The following NTN1 variants were observed in gnomAD, a reference collection of about 807,000 sequenced individuals.
NTN1 encodes the protein netrin-1.
Under a neutral mutation model 54.2 loss-of-function variants are expected in NTN1, and 11 were observed. The ratio of observed to expected loss-of-function variants is 0.20; its 90% CI spans 0.13 to 0.34. NTN1 has a LOEUF of 0.34. Ranked by LOEUF, NTN1 falls within the 10% of genes least tolerant of loss-of-function variation. NTN1 has a pLI of 1.00. For synonymous variants in NTN1, 371 were observed against 382.0 expected (o/e 0.97, Z 0.33); for missense variants, 740 against 893.1 (o/e 0.83, Z 2.18).
chr17:9,058,777 T>C (rs2091987364), intron 2 of NTN1, among the ~76,000 whole-genome samples: 2 of 152,094 alleles, frequency 1.3e-5, no homozygotes, highest in Non-Finnish European at 2.9e-5. Flanking sequence ...ACCATTTATA[T>C]TTTTTGAGCC....
the NTN1 span, among the ~76,000 whole-genome samples, chr17:9,003,721 T>G: frequency 7.2e-5 from 11 of 151,902 alleles, no homozygotes; most frequent in African/African-American, 2.4e-4. The surrounding 1 kb of genome is among the most constrained non-coding windows in gnomAD (Gnocchi z 7.4). Context: ...CCTGATTCAG[T>G]GCTTAGTAAT....
chr17:9,101,128 G>T (rs2092149119), intron 2 of NTN1, among the ~76,000 whole-genome samples: 1 of 152,250 alleles, frequency 6.6e-6, no homozygotes, highest in Middle Eastern at 3.4e-3. Context: ...ATTTCATCTT[G>T]TAGTTATGTT....
chr17:9,117,791 G>A (rs9901438), intron 2 of NTN1, among the ~76,000 whole-genome samples: 2,527 of 121,732 alleles, frequency 0.021, 63 homozygotes, highest in East Asian at 0.17. Context: ...AAAAAAACAA[G>A]CTTCCATGTG....
At chr17:9,011,700 C>A in the NTN1 span, among the ~76,000 whole-genome samples, 6 of 152,178 alleles carry the variant, frequency 3.9e-5, no homozygotes, top group African/African-American at 1.4e-4. Flanking sequence ...AGTGATTCTC[C>A]TGCCTCAGCC....
At chr17:9,134,560 G>A (rs992113014) in intron 2 of NTN1, among the ~76,000 whole-genome samples, 1 of 152,198 alleles carries the variant, frequency 6.6e-6, no homozygotes, top group Non-Finnish European at 1.5e-5. Context: ...TCTCTGGGGT[G>A]GGGACCACAC....
chr17:9,210,610 C>T (rs141293367), intron 5 of NTN1, among the ~76,000 whole-genome samples: 23 of 152,266 alleles, frequency 1.5e-4, no homozygotes, highest in African/African-American at 5.1e-4. Flanking sequence ...TCCTCATCCT[C>T]GCTAAGAAGA....
chr17:9,171,455 A>G (rs376935534), intron 3 of NTN1: 9 of 152,368 alleles, frequency 5.9e-5, no homozygotes, highest in African/African-American at 2.2e-4. Context: ...CGCTTATTGC[A>G]TGCTAGACAT....
At chr17:9,126,722 G>C (rs1407691551) in intron 2 of NTN1, among the ~76,000 whole-genome samples, 1 of 152,146 alleles carries the variant, frequency 6.6e-6, no homozygotes, top group Non-Finnish European at 1.5e-5. Flanking sequence ...GGCTAAAGAG[G>C]AACAGGTGGG....
rs1010318063 is a variant in NTN1 at position 9,219,116 on chromosome 17, C to T, written c.1412-2052C>T. Among the ~76,000 whole-genome samples the T allele has an allele frequency of 6.6e-6, 1 of 152,216 alleles. No homozygotes were observed. The highest frequency in any genetic ancestry group is 1.9e-4 in the East Asian group (1 of 5,196). ...TGGCTTTATTGTGAGCGTCATCTAT[C>T]CCTGAGCTGGCAAAGATGTGGCCCA... On this transcript the variant is annotated intron_variant, in intron 5 of 6. Transcript: ENST00000173229. The surrounding 1 kb of genome is among the most constrained non-coding windows in gnomAD (Gnocchi z 4.5).
chr17:9,004,820 G>A, the NTN1 span, among the ~76,000 whole-genome samples: 1 of 152,264 alleles, frequency 6.6e-6, no homozygotes, highest in Non-Finnish European at 1.5e-5. Flanking sequence ...AAGAGAAAGA[G>A]CTGTGGCTCT....
At chr17:9,021,275 GGGGTTTCCCC>G (rs2091846076), upstream of NTN1, among the ~76,000 whole-genome samples, 1 of 151,750 alleles carries the variant, frequency 6.6e-6, no homozygotes, top group African/African-American at 2.4e-5. Context: ...CCCCCTCTCC[GGGGTTTCCCC>G]GGGTGCTCTC....
At chr17:9,054,996 G>T (rs112761904) in intron 2 of NTN1, among the ~76,000 whole-genome samples, 2 of 152,140 alleles carry the variant, frequency 1.3e-5, no homozygotes, top group Admixed American at 6.5e-5. Flanking sequence ...AGAGGAATAG[G>T]GTACACATGC....
rs989730586 is a variant in NTN1 at position 9,212,903 on chromosome 17, C to T, written c.1412-8265C>T. Among the ~76,000 whole-genome samples, 3 of 152,232 alleles carry T rather than the reference C, an allele frequency of 2.0e-5. No homozygotes were observed. The highest frequency in any genetic ancestry group is 2.9e-5 in the Non-Finnish European group (2 of 68,046). The stretch of plus-strand genomic sequence containing the variant: ...TGCCCCTGGCTTCAACCGTGGCCGC[C>T]GGGCTCTGCCTGCCATATGCTCAGA... On this transcript the variant is annotated intron_variant, in intron 5 of 6. Transcript: ENST00000173229. The surrounding 1 kb of genome is among the most constrained non-coding windows in gnomAD (Gnocchi z 5.5).
chr17:9,065,511 G>T (rs972185208), intron 2 of NTN1, among the ~76,000 whole-genome samples: 2 of 152,152 alleles, frequency 1.3e-5, no homozygotes, highest in Non-Finnish European at 2.9e-5. Flanking sequence ...CACCCATATG[G>T]CCACAGTCTC....
At chr17:9,112,763 C>T (rs911296061) in intron 2 of NTN1, among the ~76,000 whole-genome samples, 4 of 146,598 alleles carry the variant, frequency 2.7e-5, no homozygotes, top group African/African-American at 7.6e-5. Flanking sequence ...GGGGTGGAGC[C>T]TGCAGTGAGC....
At chr17:9,159,344 TCAGA>T (rs111389745) in intron 2 of NTN1, among the ~76,000 whole-genome samples, 16 of 152,304 alleles carry the variant, frequency 1.1e-4, no homozygotes, top group African/African-American at 2.6e-4. Context: ...GTGTTTTCTC[TCAGA>T]CAGAGTGGCC....
At position 9,213,030 on chromosome 17, in the gene NTN1, G is replaced by A. The variant is rs929784681; in HGVS notation, c.1412-8138G>A. Among the ~76,000 whole-genome samples the A allele has an allele frequency of 2.0e-5, 3 of 152,236 alleles. No individual in the cohort carries two copies. The East Asian group carries it at 5.8e-4, about 29-fold the overall frequency. Reference sequence around the variant, plus strand: ...CCAGCTACCCAAGGTGGAGGAAGAGGCAGGACGGTCTCGGCCGCTGGGATT... The same window carrying A: ...CCAGCTACCCAAGGTGGAGGAAGAGACAGGACGGTCTCGGCCGCTGGGATT... On this transcript the variant is annotated intron_variant, in intron 5 of 6. Transcript: ENST00000173229.
At chr17:9,170,865 C>T (rs1597515949) in intron 3 of NTN1, among the ~76,000 whole-genome samples, 1 of 67,226 alleles carries the variant, frequency 1.5e-5, no homozygotes, top group Admixed American at 1.7e-4. Context: ...TCTTGTGACA[C>T]ACACACACAC....
chr17:9,042,216 T>C (rs1169499694), intron 2 of NTN1, among the ~76,000 whole-genome samples: 1 of 152,156 alleles, frequency 6.6e-6, no homozygotes, highest in African/African-American at 2.4e-5. Context: ...CTTGTTGTGC[T>C]TGTGTGATTT....
Sources: allele counts gnomAD v4.1 joint callset (sites outside exome capture counted in the v4.1 genomes callset), GRCh38; gene constraint gnomAD v4.1.1; non-coding constraint Gnocchi (gnomAD v3.1); transcripts MANE v1.5; gene names NCBI Gene and HGNC (gene_info 2026-07-23, HGNC 2026-07-21).